The following ASTN2 variants were observed in gnomAD, a reference collection of about 807,000 sequenced individuals.
ASTN2 encodes astrotactin 2.
Under a neutral mutation model 139.8 loss-of-function variants are expected in ASTN2, and 54 were observed. That is an observed-to-expected ratio of 0.39 (90% CI 0.31 to 0.48). ASTN2 has a LOEUF of 0.48. Ranked by LOEUF, ASTN2 falls within the 20% of genes least tolerant of loss-of-function variation. The probability of loss-of-function intolerance (pLI) is 0.95; values close to 1 mark genes in which losing one functional copy is unlikely to be tolerated. For missense variants in ASTN2, 1,565 were observed against 1,725.1 expected (o/e 0.91, Z 1.64); for synonymous variants, 756 against 719.5 (o/e 1.05, Z -0.81).
intron 16 of ASTN2, chr9:116,686,957 G>C: frequency 6.8e-7 from 1 of 1,472,474 alleles, no homozygotes. Flanking sequence ...AACAGATTCA[G>C]TAAGGTGCCA....
At chr9:116,626,074 G>A (rs1856438356) in intron 17 of ASTN2, among the ~76,000 whole-genome samples, 1 of 151,022 alleles carries the variant, frequency 6.6e-6, no homozygotes, top group Admixed American at 6.6e-5. Context: ...CTGCCTCCTG[G>A]GTTCAAGAGA....
chr9:116,709,662 T>G (rs181224364), intron 16 of ASTN2, among the ~76,000 whole-genome samples: 1 of 152,332 alleles, frequency 6.6e-6, no homozygotes, highest in East Asian at 1.9e-4. Flanking sequence ...CTCATATATA[T>G]ATACTTATAC....
intron 22 of ASTN2, among the ~76,000 whole-genome samples, chr9:116,430,200 GC>G (rs1463671416): frequency 1.3e-5 from 2 of 152,202 alleles, no homozygotes; most frequent in Non-Finnish European, 2.9e-5. Context: ...ATGCCCAAAT[GC>G]CCTTCTTCCA....
rs143895223 is a variant in ASTN2 at position 116,481,208 on chromosome 9, C to T, written c.3497+6151G>A. 2.0e-3 allele frequency among the ~76,000 whole-genome samples: 310 copies of T among 152,042 alleles called. 2 individuals carry two copies. The highest frequency in any genetic ancestry group is 7.1e-3 in the African/African-American group (295 of 41,460). On this transcript the variant is annotated intron_variant, in intron 20 of 22. Coordinates refer to ENST00000313400, the MANE Select transcript of ASTN2 (RefSeq NM_001365068.1). ...CAGCCTGGGCAACATGGCAAAATCC[C>T]GTCTCTACAAAAGATACAAAAATTA...
chr9:116,506,145 T>G (rs1229849693), intron 19 of ASTN2, among the ~76,000 whole-genome samples: 1 of 152,168 alleles, frequency 6.6e-6, no homozygotes, highest in Admixed American at 6.5e-5. Context: ...GCTTCTGGAA[T>G]AGTGTTCGGT....
In ASTN2 at chr9:116,698,970, A is replaced by T. The variant is rs1330450368; in HGVS notation, c.2806+26801T>A. 1 of 1,614,196 alleles carries T rather than the reference A, an allele frequency of 6.2e-7. No homozygotes were observed. The highest frequency in any genetic ancestry group is 8.5e-7 in the Non-Finnish European group (1 of 1,180,042). On this transcript the variant is annotated intron_variant, in intron 16 of 22. Coordinates refer to ENST00000313400, the MANE Select transcript of ASTN2 (RefSeq NM_001365068.1). This position sits in a 1 kb window ranked among gnomAD's most constrained non-coding sequence, Gnocchi z 4.4. ...AGGCTTTTTGAAGGAAATCCGCCGC[A>T]GCCCCAGTGGCATTGATAGCTTTGT...
intron 11 of ASTN2, among the ~76,000 whole-genome samples, chr9:116,841,347 G>A (rs993008207): frequency 2.6e-5 from 4 of 152,194 alleles, no homozygotes; most frequent in African/African-American, 4.8e-5. Context: ...GCTTCGGCTC[G>A]GCATGAGAGG....
At chr9:117,156,810 T>C (rs1830442783) in intron 3 of ASTN2, among the ~76,000 whole-genome samples, 2 of 152,074 alleles carry the variant, frequency 1.3e-5, no homozygotes, top group African/African-American at 2.4e-5. Flanking sequence ...AACTTGAGGT[T>C]ATTTTTATTC....
At chr9:116,847,217 G>T (rs1832465864) in intron 11 of ASTN2, among the ~76,000 whole-genome samples, 1 of 152,130 alleles carries the variant, frequency 6.6e-6, no homozygotes, top group Non-Finnish European at 1.5e-5. Context: ...CCTGGTTCAA[G>T]TGATTCTCCT....
At chr9:116,848,804 C>T (rs145693896) in intron 11 of ASTN2, among the ~76,000 whole-genome samples, 102 of 152,304 alleles carry the variant, frequency 6.7e-4, no homozygotes, top group African/African-American at 2.2e-3. Context: ...CAGACACCAG[C>T]TGGGTGTCCT....
intron 2 of ASTN2, among the ~76,000 whole-genome samples, chr9:117,220,568 A>G (rs1832480142): frequency 6.6e-6 from 1 of 152,198 alleles, no homozygotes; most frequent in Non-Finnish European, 1.5e-5. Flanking sequence ...CACACAGGGA[A>G]GAAGCTCACA....
chr9:116,709,306 A>T (rs549166479), intron 16 of ASTN2, among the ~76,000 whole-genome samples: 2 of 152,196 alleles, frequency 1.3e-5, no homozygotes, highest in Non-Finnish European at 2.9e-5. Flanking sequence ...GACCCTTTGG[A>T]TATCTGTGGA....
chr9:116,964,240 TGTGTGTGTGTGTGTGTGC>T (rs1049354933), intron 10 of ASTN2, among the ~76,000 whole-genome samples: 5 of 135,432 alleles, frequency 3.7e-5, no homozygotes, highest in Admixed American at 7.6e-5. Context: ...TGTGTGTGTG[TGTGTGTGTGTGTGTGTGC>T]GCGCGCGCGC....
intron 1 of ASTN2, among the ~76,000 whole-genome samples, chr9:117,319,717 T>C (rs1221995741): frequency 1.3e-5 from 2 of 152,050 alleles, no homozygotes; most frequent in Admixed American, 1.3e-4. Context: ...ATTACAGGCA[T>C]TAGCCACCCT....
rs2132116392 is a variant in ASTN2, at chr9:116,725,867, A to G, written c.2710T>C (p.Tyr904His). 1 of 1,614,072 alleles carries G rather than the reference A, an allele frequency of 6.2e-7. No individual in the cohort carries two copies. Among genetic ancestry groups the G allele is most frequent in the South Asian group, 1.1e-5 (1 of 91,072 alleles). The change falls in exon 16 of 23, where the codon TAC (tyrosine) becomes CAC (histidine). Residue 904 changes from tyrosine (Y) to histidine (H), a missense_variant. Coordinates refer to ENST00000313400, the MANE Select transcript of ASTN2 (RefSeq NM_001365068.1). ...GAGCCATAGAGGGCCTCTGCGATGT[A>G]GTGGGAGCCATAGTGCTGGATGAAG... is the stretch of plus-strand genomic sequence containing the variant. ...LSFIQHYGSH[Y>H]IAEALYGSEL...
chr9:116,514,867 T>C (rs35973291), intron 19 of ASTN2, among the ~76,000 whole-genome samples: 25,297 of 151,888 alleles, frequency 0.17, 2,643 homozygotes, highest in East Asian at 0.46. Flanking sequence ...AGGGTGGGAG[T>C]GATCCGATTT....
chr9:116,941,863 T>G (rs1397113462), intron 10 of ASTN2, among the ~76,000 whole-genome samples: 1 of 151,824 alleles, frequency 6.6e-6, no homozygotes, highest in African/African-American at 2.4e-5. Flanking sequence ...ATTGGATCAG[T>G]ACTACCAAAA....
intron 3 of ASTN2, among the ~76,000 whole-genome samples, chr9:117,150,205 A>C (rs1298420103): frequency 6.6e-6 from 1 of 152,218 alleles, no homozygotes; most frequent in African/African-American, 2.4e-5. Context: ...GATGGTCTCT[A>C]AGATTCCCTC....
chr9:116,605,444 C>A (rs1478696709), intron 19 of ASTN2, among the ~76,000 whole-genome samples: 1 of 151,964 alleles, frequency 6.6e-6, no homozygotes, highest in Non-Finnish European at 1.5e-5. Context: ...AAAAAAAAAT[C>A]CAGCAGGAGA....
Sources: allele counts gnomAD v4.1 joint callset (sites outside exome capture counted in the v4.1 genomes callset), GRCh38; gene constraint gnomAD v4.1.1; non-coding constraint Gnocchi (gnomAD v3.1); transcripts MANE v1.5; gene names NCBI Gene and HGNC (gene_info 2026-07-23, HGNC 2026-07-21).